CES1: variants seen among roughly 807,000 people sequenced by gnomAD.
CES1 encodes the protein carboxylesterase 1.
Under a neutral mutation model 53.0 loss-of-function variants are expected in CES1, and 50 were observed. The observed-to-expected ratio is 0.94, with a 90% CI of 0.75 to 1.19. CES1 has a LOEUF of 1.19. CES1 is among the 50% of genes most tolerant of loss of function. The probability of loss-of-function intolerance (pLI) is 0.00; values close to 1 mark genes in which losing one functional copy is unlikely to be tolerated. For missense variants in CES1, 534 were observed against 538.0 expected, an observed-to-expected ratio of 0.99 and a Z score of 0.07; for synonymous variants, 202 against 210.1, an observed-to-expected ratio of 0.96 and a Z score of 0.33.
At chr16:55,823,918 G>A (rs1489128859) in intron 3 of CES1, among the ~76,000 whole-genome samples, 3 of 152,218 alleles carry the variant, frequency 2.0e-5, no homozygotes, top group African/African-American at 7.2e-5. Context: ...TTTCTACCCA[G>A]CCTCCAGTGC....
chr16:55,820,507 T>C (rs1359020885), intron 5 of CES1, 28 bp from the exon 6 acceptor site: 2 of 1,601,418 alleles, frequency 1.2e-6, no homozygotes, highest in East Asian at 4.5e-5. Context: ...GGGAGGAGAG[T>C]TCATGCTCAG....
intron 5 of CES1, among the ~76,000 whole-genome samples, chr16:55,820,931 C>T (rs2032157508): frequency 6.6e-6 from 1 of 152,214 alleles, no homozygotes; most frequent in South Asian, 2.1e-4. Flanking sequence ...GTCCCCTCCA[C>T]ATGTAGGTCT....
At chr16:55,810,092 C>G (rs770159879) in intron 11 of CES1, among the ~76,000 whole-genome samples, 2 of 152,136 alleles carry the variant, frequency 1.3e-5, no homozygotes, top group African/African-American at 4.8e-5. Context: ...AGCCTTCAAC[C>G]AATGACAAGT....
rs1171441944 is a variant in CES1, at chr16:55,828,344, T to C, written c.260+423A>G. Among the ~76,000 whole-genome samples, 9 of 152,318 alleles carry C rather than the reference T, an allele frequency of 5.9e-5. No homozygotes were observed. The East Asian group carries it at 1.5e-3, about 26-fold the overall frequency. Reference sequence around the variant, plus strand: ...TGGCCCACTCCTCTCCCCGACTATGTCAAAATTCAAGACAGCAGAATTCAT... The same window carrying C: ...TGGCCCACTCCTCTCCCCGACTATGCCAAAATTCAAGACAGCAGAATTCAT... On this transcript the variant is annotated intron_variant, in intron 2 of 13. Coordinates refer to ENST00000360526, the MANE Select transcript of CES1 (RefSeq NM_001025195.2).
At chr16:55,826,129 A>C (rs1419760639) in intron 3 of CES1, 22 bp downstream of exon 3, 2 of 1,613,944 alleles carry the variant, frequency 1.2e-6, no homozygotes, top group Admixed American at 3.3e-5. Context: ...ACACGCCTTG[A>C]CCAGGGGGTC....
intron 1 of CES1, among the ~76,000 whole-genome samples, chr16:55,830,319 G>A (rs1459055110): frequency 9.2e-5 from 14 of 152,166 alleles, no homozygotes; most frequent in Non-Finnish European, 1.5e-5. Context: ...TTCCTTGGAA[G>A]CATGTTTATC....
At chr16:55,814,809 T>G (rs189955867) in intron 8 of CES1, among the ~76,000 whole-genome samples, 1,794 of 152,324 alleles carry the variant, frequency 0.012, 32 homozygotes, top group African/African-American at 0.041. Flanking sequence ...TCGGACTGCC[T>G]GGGGGAGATG....
chr16:55,828,462 G>C (rs1323027576), intron 2 of CES1, among the ~76,000 whole-genome samples: 1 of 152,198 alleles, frequency 6.6e-6, no homozygotes, highest in East Asian at 1.9e-4. Flanking sequence ...AATCCACGGA[G>C]TAATTTGCAT....
At position 55,811,028 on chromosome 16, in the gene CES1, T is replaced by G. The variant is rs1335172915; in HGVS notation, c.1087-18A>C. On this transcript the variant is annotated intron_variant, in intron 9 of 13. Transcript: ENST00000360526. ...ATCAACTGCTAAAAAAAAAAAAAAG[T>G]TCAGCATTTATGAATCATTGGGAAT... 1.4e-6 allele frequency: 2 copies of G among 1,463,146 alleles called. No individual in the cohort carries two copies. Among genetic ancestry groups the G allele is most frequent in the African/African-American group, 3.0e-5 (2 of 67,494 alleles). 90.6% of individuals were successfully genotyped at this position (1,463,146 alleles called of 1,614,324 possible). A position where few individuals can be genotyped will look rare whatever the true frequency, so the allele number is the denominator to read the frequency against.
At chr16:55,820,772 C>G (rs1375792169) in intron 5 of CES1, among the ~76,000 whole-genome samples, 2 of 152,060 alleles carry the variant, frequency 1.3e-5, no homozygotes, top group Non-Finnish European at 2.9e-5. Context: ...CTGCCCCATC[C>G]CTCCCTATCC....
chr16:55,828,821 G>T lies in CES1; in HGVS notation c.206C>A (p.Pro69Gln), dbSNP rs757329400. 6.2e-7 allele frequency: 1 copy of T among 1,614,300 alleles called. No homozygotes were observed. Among genetic ancestry groups the T allele is most frequent in the East Asian group, 2.2e-5 (1 of 44,894 alleles). Residue 69 changes from proline to glutamine, a missense_variant, in exon 2 of 14, where the codon CCG (proline) becomes CAG (glutamine). Pro to Gln is a moderately conservative substitution (Grantham distance 76). Transcript: ENST00000360526. ...AAAGCTCCATGGTTCTGCAGGCTGC[G>T]GTGGAGTAAACCTCAGGGGTCCAAG... ...PPLGPLRFTP[P>Q]QPAEPWSFVK...
At chr16:55,830,925 G>C (rs1419879186) in intron 1 of CES1, among the ~76,000 whole-genome samples, 1 of 152,162 alleles carries the variant, frequency 6.6e-6, no homozygotes, top group Non-Finnish European at 1.5e-5. Context: ...TGGGGGAAAT[G>C]GAAGGGAAAG....
At chr16:55,828,693 G>A (rs3848300) in intron 2 of CES1, 74 bp downstream of exon 2, 1,279,144 of 1,542,822 alleles carry the variant, frequency 0.83, 531,156 homozygotes, top group Non-Finnish European at 0.85. Context: ...GGATCAGCCC[G>A]TCAGGGGACT....
rs1428073138 is a variant in CES1 at position 55,829,671 on chromosome 16, C to A, written c.53-697G>T. ...GAGTCTGGGGGGAGTGGAAAATATT[C>A]CTGGAATGAGACCGCACATGTCAGG... On this transcript the variant is annotated intron_variant, in intron 1 of 13. Transcript: ENST00000360526. Among the ~76,000 whole-genome samples the A allele has an allele frequency of 1.1e-4, 16 of 152,328 alleles. 1 individual carries two copies. The highest frequency in any genetic ancestry group is 2.0e-4 in the Admixed American group (3 of 15,312).
chr16:55,817,792 G>T (rs1469366580), intron 7 of CES1, among the ~76,000 whole-genome samples: 1 of 152,044 alleles, frequency 6.6e-6, no homozygotes, highest in Middle Eastern at 3.2e-3. Flanking sequence ...GTGTCTGCAT[G>T]TGTGTGTACT....
At chr16:55,832,000 C>G (rs2032701190) in intron 1 of CES1, among the ~76,000 whole-genome samples, 2 of 148,656 alleles carry the variant, frequency 1.3e-5, no homozygotes, top group Admixed American at 1.3e-4. Flanking sequence ...GGAGAAACTC[C>G]CTCCCAGGGT....
At chr16:55,817,056 G>T in intron 7 of CES1, 94 bp from the exon 8 acceptor site, 1 of 1,324,222 alleles carries the variant, frequency 7.6e-7, no homozygotes. Flanking sequence ...GGTTCTTCCC[G>T]CATCACTCCG....
chr16:55,816,663 A>C (rs112616450), intron 8 of CES1, among the ~76,000 whole-genome samples: 8,863 of 152,134 alleles, frequency 0.058, 296 homozygotes, highest in Middle Eastern at 0.12. Flanking sequence ...TGTAAAAAAG[A>C]AGGGGAGTGG....
intron 6 of CES1, chr16:55,819,948 C>G: frequency 1.8e-6 from 1 of 555,462 alleles, no homozygotes; most frequent in Non-Finnish European, 3.2e-6. Context: ...AGCATGGAAT[C>G]CTGAATTTCC....
Sources: allele counts gnomAD v4.1 joint callset (sites outside exome capture counted in the v4.1 genomes callset), GRCh38; gene constraint gnomAD v4.1.1; transcripts MANE v1.5; gene names NCBI Gene and HGNC (gene_info 2026-07-23, HGNC 2026-07-21).